ESR1: variants seen among roughly 807,000 people sequenced by gnomAD.
The protein encoded by ESR1 is estrogen receptor 1.
Under a neutral mutation model 52.7 loss-of-function variants are expected in ESR1, and 12 were observed. The observed-to-expected ratio is 0.23, with a 90% CI of 0.15 to 0.37. The LOEUF (loss-of-function observed/expected upper bound fraction) is 0.37, where lower values mean the gene tolerates loss of function less well. Ranked by LOEUF, ESR1 falls within the 10% of genes least tolerant of loss-of-function variation. The pLI is 1.00. For synonymous variants in ESR1, 305 were observed against 316.8 expected (o/e 0.96, Z 0.39); for missense variants, 584 against 779.7 (o/e 0.75, Z 2.99).
At chr6:151,885,312 T>C (rs1212057552) in intron 3 of ESR1, among the ~76,000 whole-genome samples, 3 of 152,120 alleles carry the variant, frequency 2.0e-5, no homozygotes, top group Non-Finnish European at 2.9e-5. Flanking sequence ...GGCTCAAATA[T>C]TGAATGATCA....
In ESR1 at chr6:151,791,443, C is replaced by T. The variant is rs984074537; in HGVS notation, c.-70-16400C>T. Among the ~76,000 whole-genome samples the T allele has an allele frequency of 3.9e-5, 6 of 152,182 alleles. No homozygotes were observed. In the East Asian group the frequency reaches 1.2e-3, roughly 29 times the overall value. ...TCTTCTGCCATGATTGTGAGGCCTTCCCAGCCATGTGGAACTGTGAGTCCA... is the reference window on the plus strand; with the variant it reads ...TCTTCTGCCATGATTGTGAGGCCTTTCCAGCCATGTGGAACTGTGAGTCCA... On this transcript the variant is annotated intron_variant, in intron 2 of 2. Transcript: ENST00000404742.
intron 1 of ESR1, among the ~76,000 whole-genome samples, chr6:151,685,390 C>T (rs1778626275): frequency 6.6e-6 from 1 of 152,020 alleles, no homozygotes; most frequent in Non-Finnish European, 1.5e-5. Context: ...GCCTCGGCCT[C>T]CCAAAGTGCT....
intron 6 of ESR1, among the ~76,000 whole-genome samples, chr6:152,078,897 G>A (rs1232344949): frequency 1.3e-5 from 2 of 152,216 alleles, no homozygotes; most frequent in Non-Finnish European, 2.9e-5. Context: ...AGATCAACCT[G>A]CAATGCTGCT....
intron 2 of ESR1, among the ~76,000 whole-genome samples, chr6:151,878,965 AG>A (rs1335736443): frequency 6.6e-5 from 10 of 152,136 alleles, no homozygotes; most frequent in African/African-American, 2.4e-4. Context: ...CTCAGAGAAG[AG>A]GGTTGTGTTG....
chr6:151,857,559 C>T (rs1181821199), intron 2 of ESR1, among the ~76,000 whole-genome samples: 4 of 151,870 alleles, frequency 2.6e-5, no homozygotes, highest in South Asian at 4.2e-4. Context: ...GACCAAGTCT[C>T]GCTCTGTCGC....
intron 1 of ESR1, among the ~76,000 whole-genome samples, chr6:151,823,715 T>C (rs1780987652): frequency 2.0e-5 from 3 of 150,952 alleles, no homozygotes; most frequent in Admixed American, 1.3e-4. Flanking sequence ...AGTGAGAACA[T>C]GCGGTGTTTG....
chr6:151,691,319 A>T (rs1189678317), intron 1 of ESR1, among the ~76,000 whole-genome samples: 1 of 152,140 alleles, frequency 6.6e-6, no homozygotes, highest in Admixed American at 6.6e-5. Flanking sequence ...TGACTCCACC[A>T]CATATAGCAG....
chr6:151,854,526 G>A (rs1787472670), intron 2 of ESR1, among the ~76,000 whole-genome samples: 1 of 152,180 alleles, frequency 6.6e-6, no homozygotes, highest in East Asian at 1.9e-4. Flanking sequence ...ATTTATTTCT[G>A]TAATAAGCAC....
chr6:151,767,509 GAT>G (rs985645703), intron 2 of ESR1, among the ~76,000 whole-genome samples: 3 of 152,116 alleles, frequency 2.0e-5, no homozygotes, highest in Non-Finnish European at 4.4e-5. Context: ...AGAAAAAAAA[GAT>G]ATAGTGACAG....
chr6:151,852,351 A>G (rs1237565157), intron 2 of ESR1, among the ~76,000 whole-genome samples: 1 of 152,228 alleles, frequency 6.6e-6, no homozygotes, highest in Non-Finnish European at 1.5e-5. Flanking sequence ...CACATTATTA[A>G]TAATGGAGAA....
intron 6 of ESR1, among the ~76,000 whole-genome samples, chr6:152,067,071 TAATA>T (rs779403045): frequency 1.8e-4 from 28 of 152,276 alleles, no homozygotes; most frequent in South Asian, 1.0e-3. Context: ...TCTTAGCAGG[TAATA>T]AATAAATCCC....
chr6:151,843,907 G>T (rs1469858635), intron 2 of ESR1, among the ~76,000 whole-genome samples: 3 of 150,678 alleles, frequency 2.0e-5, no homozygotes, highest in Non-Finnish European at 4.4e-5. Flanking sequence ...GTTGCCAGTG[G>T]GACTTTTTTT....
intron 1 of ESR1, among the ~76,000 whole-genome samples, chr6:151,664,491 G>T (rs1378687248): frequency 6.6e-6 from 1 of 152,060 alleles, no homozygotes; most frequent in Non-Finnish European, 1.5e-5. Flanking sequence ...ACACAAAAAG[G>T]CAATTTCTCT....
intron 3 of ESR1, among the ~76,000 whole-genome samples, chr6:151,886,366 T>G (rs1298070573): frequency 6.6e-6 from 1 of 152,222 alleles, no homozygotes; most frequent in African/African-American, 2.4e-5. Context: ...GACTGACTAT[T>G]CTGGTTATGT....
chr6:151,834,196 G>T (rs1337976210), intron 1 of ESR1, among the ~76,000 whole-genome samples: 1 of 152,104 alleles, frequency 6.6e-6, no homozygotes, highest in African/African-American at 2.4e-5. Flanking sequence ...TCCCATTACT[G>T]GCTATATACC....
chr6:151,839,258 G>A (rs1029472132), intron 1 of ESR1, among the ~76,000 whole-genome samples: 1 of 152,186 alleles, frequency 6.6e-6, no homozygotes, highest in African/African-American at 2.4e-5. Context: ...TGGCTGGTAA[G>A]GGAGGCATTC....
chr6:152,097,085 G>A (rs891743766), intron 7 of ESR1, among the ~76,000 whole-genome samples: 1 of 152,124 alleles, frequency 6.6e-6, no homozygotes, highest in Non-Finnish European at 1.5e-5. Context: ...AAGCTCTGTA[G>A]AGTTTCTGTT....
At chr6:151,794,926 T>A (rs1309760786) in intron 2 of ESR1, among the ~76,000 whole-genome samples, 1 of 152,140 alleles carries the variant, frequency 6.6e-6, no homozygotes, top group African/African-American at 2.4e-5. Flanking sequence ...GTCCAAAACC[T>A]TTGGGCCACA....
chr6:152,125,708 T>C (rs2053165208), exon 7 of ESR1: 1 of 179,540 alleles, frequency 5.6e-6, no homozygotes, highest in Admixed American at 5.8e-5. Flanking sequence ...TTAGGAGACA[T>C]TTAAGAACTT....
Sources: allele counts gnomAD v4.1 joint callset (sites outside exome capture counted in the v4.1 genomes callset), GRCh38; gene constraint gnomAD v4.1.1; transcripts MANE v1.5; gene names NCBI Gene and HGNC (gene_info 2026-07-23, HGNC 2026-07-21).